RERE: variants seen among roughly 807,000 people sequenced by gnomAD.
RERE encodes arginine-glutamic acid dipeptide repeats protein.
A neutral mutation model predicts 146.1 loss-of-function variants in RERE; 40 were observed. That is an observed-to-expected ratio of 0.27 (90% CI 0.21 to 0.36). The LOEUF is 0.36. RERE is among the 10% of genes least tolerant of loss of function. RERE has a pLI of 1.00. For synonymous variants in RERE, 1,003 were observed against 866.0 expected, an observed-to-expected ratio of 1.16 and a Z score of -2.78; for missense variants, 1,933 against 2,138.7, an observed-to-expected ratio of 0.90 and a Z score of 1.90.
intron 4 of RERE, among the ~76,000 whole-genome samples, chr1:8,571,565 A>C (rs555113107): frequency 1.1e-3 from 165 of 152,350 alleles, no homozygotes; most frequent in African/African-American, 3.8e-3. Flanking sequence ...CAGGAACACT[A>C]AAAAATTATA....
intron 1 of RERE, among the ~76,000 whole-genome samples, chr1:8,801,872 G>A (rs2124591762): frequency 6.6e-6 from 1 of 152,296 alleles, no homozygotes; most frequent in African/African-American, 2.4e-5. Context: ...CAATTTAACT[G>A]TCCATCAATG....
At chr1:8,569,530 C>A (rs991839873) in intron 4 of RERE, among the ~76,000 whole-genome samples, 3 of 152,114 alleles carry the variant, frequency 2.0e-5, no homozygotes, top group African/African-American at 7.2e-5. Context: ...GTAAGACTTA[C>A]CAACTTATGA....
At chr1:8,802,521 CAT>C (rs1281393433) in intron 1 of RERE, among the ~76,000 whole-genome samples, 2 of 152,224 alleles carry the variant, frequency 1.3e-5, no homozygotes, top group African/African-American at 2.4e-5. Flanking sequence ...CTACTTATCA[CAT>C]GTCCAAATCC....
intron 20 of RERE, among the ~76,000 whole-genome samples, chr1:8,357,162 A>C (rs1327993386): frequency 6.6e-6 from 1 of 152,216 alleles, no homozygotes; most frequent in African/African-American, 2.4e-5. Context: ...TGGAAGGTAA[A>C]TGTGGACAGG....
intron 12 of RERE, among the ~76,000 whole-genome samples, chr1:8,419,302 C>T (rs890580153): frequency 2.0e-5 from 3 of 152,148 alleles, no homozygotes. Context: ...CCACTATTCC[C>T]ACTTCAGTGG....
At chr1:8,706,896 G>C (rs1639570499) in intron 1 of RERE, among the ~76,000 whole-genome samples, 1 of 152,144 alleles carries the variant, frequency 6.6e-6, no homozygotes, top group African/African-American at 2.4e-5. Flanking sequence ...AATTTTTCAG[G>C]TGTTTTGCAC....
At chr1:8,705,041 T>G (rs1435890768) in intron 1 of RERE, among the ~76,000 whole-genome samples, 3 of 152,258 alleles carry the variant, frequency 2.0e-5, no homozygotes, top group Non-Finnish European at 4.4e-5. Flanking sequence ...AAGCTACTCC[T>G]GTACTTGGAC....
chr1:8,441,177 G>T (rs1194579609), intron 11 of RERE, among the ~76,000 whole-genome samples: 1 of 152,120 alleles, frequency 6.6e-6, no homozygotes. Flanking sequence ...CAGCTCCTAT[G>T]GGGGCGTGGG....
intron 3 of RERE, among the ~76,000 whole-genome samples, chr1:8,622,485 TTAAAAAAA>T (rs1215109783): frequency 4.3e-5 from 3 of 69,404 alleles, no homozygotes; most frequent in African/African-American, 1.7e-4. Flanking sequence ...CTGTATCTGT[TTAAAAAAA>T]AAAAAAAAAA....
At chr1:8,795,713 T>A (rs1475733) in intron 1 of RERE, among the ~76,000 whole-genome samples, 1 of 152,132 alleles carries the variant, frequency 6.6e-6, no homozygotes, top group East Asian at 1.9e-4. Context: ...CCGGGCACAG[T>A]GGCTCACGCC....
At chr1:8,534,324 T>C (rs1233651555) in intron 7 of RERE, among the ~76,000 whole-genome samples, 1 of 152,176 alleles carries the variant, frequency 6.6e-6, no homozygotes, top group Admixed American at 6.5e-5. Context: ...GGTTTCTTAA[T>C]GTTAAAGAAG....
In RERE at chr1:8,514,874, C is replaced by T. The variant is rs575036748; in HGVS notation, c.831-6199G>A. Reference sequence around the variant, plus strand: ...TCTGAACTTCAGCAAGTGCTGGAGGCTAAAATTCATCTAGAAGACTCCAGC... The same window carrying T: ...TCTGAACTTCAGCAAGTGCTGGAGGTTAAAATTCATCTAGAAGACTCCAGC... On this transcript the variant is annotated intron_variant, in intron 7 of 22. Transcript: ENST00000400908. Among the ~76,000 whole-genome samples, 157 of 152,322 alleles carry T rather than the reference C, an allele frequency of 1.0e-3. 2 individuals are homozygous for T. Among genetic ancestry groups the T allele is most frequent in the African/African-American group, 3.6e-3 (148 of 41,578 alleles).
At chr1:8,605,967 TA>T (rs1646703684) in intron 4 of RERE, among the ~76,000 whole-genome samples, 1 of 147,938 alleles carries the variant, frequency 6.8e-6, no homozygotes, top group Admixed American at 6.9e-5. Flanking sequence ...ACCTCAGCCC[TA>T]AAAGTAGCAG....
chr1:8,454,138 C>T (rs1328036176), intron 11 of RERE, among the ~76,000 whole-genome samples: 4 of 152,182 alleles, frequency 2.6e-5, no homozygotes, highest in Non-Finnish European at 5.9e-5. Context: ...CATTAGCCTG[C>T]ATCTCTGTAG....
In RERE at chr1:8,744,239, G is replaced by A. The variant is rs192330182; in HGVS notation, c.-145+72921C>T. On this transcript the variant is annotated intron_variant, in intron 1 of 22. Coordinates refer to ENST00000400908, the MANE Select transcript of RERE (RefSeq NM_001042681.2). ...ATTAAGGCTGCCCCTGGGTGCTCAC[G>A]TACGTTTTAACAAAAAGCAAGGAAT... 4.6e-5 allele frequency among the ~76,000 whole-genome samples: 7 copies of A among 152,244 alleles called. No homozygotes were observed. The East Asian group carries it at 9.6e-4, about 21-fold the overall frequency.
At chr1:8,706,744 C>A (rs1241017775) in intron 1 of RERE, among the ~76,000 whole-genome samples, 1 of 152,112 alleles carries the variant, frequency 6.6e-6, no homozygotes, top group Admixed American at 6.5e-5. Context: ...GACATGGAAG[C>A]CTTCGAAAGA....
At chr1:8,760,218 G>A (rs1640727059) in intron 1 of RERE, among the ~76,000 whole-genome samples, 1 of 152,134 alleles carries the variant, frequency 6.6e-6, no homozygotes, top group African/African-American at 2.4e-5. Flanking sequence ...GTAGAGACGG[G>A]GTTTCATCAT....
At chr1:8,361,540 T>G in intron 17 of RERE, 50 bp from the exon 18 acceptor site, 2 of 1,577,868 alleles carry the variant, frequency 1.3e-6, no homozygotes, top group Non-Finnish European at 1.7e-6. Flanking sequence ...CAGAGCCCTG[T>G]CTGCTCTGCA....
In RERE at chr1:8,605,745, C is replaced by CAAAAAAAAAAA. The variant is rs564574812; in HGVS notation, c.522+8805_522+8815dup. Among the ~76,000 whole-genome samples the CAAAAAAAAAAA allele has an allele frequency of 1.8e-3, 115 of 64,532 alleles. 1 individual carries two copies. Among genetic ancestry groups the CAAAAAAAAAAA allele is most frequent in the African/African-American group, 6.7e-3 (110 of 16,436 alleles). The allele number at this position is 64,532 out of a possible 152,430, so 42.3% of individuals were successfully genotyped here. A position where few individuals can be genotyped will look rare whatever the true frequency, so the allele number is the denominator to read the frequency against. ...GGGCAACAGAGCAAGACCCCATCTC[C>CAAAAAAAAAAA]AAAAAAAAAAAAAAAAAAAAAAAAA... On this transcript the variant is annotated intron_variant, in intron 4 of 22. Transcript: ENST00000400908.
Sources: allele counts gnomAD v4.1 joint callset (sites outside exome capture counted in the v4.1 genomes callset), GRCh38; gene constraint gnomAD v4.1.1; transcripts MANE v1.5; gene names NCBI Gene and HGNC (gene_info 2026-07-23, HGNC 2026-07-21).